PXDNL: variants seen among roughly 807,000 people sequenced by gnomAD.
PXDNL encodes the protein probable oxidoreductase PXDNL.
Under a neutral mutation model 150.8 loss-of-function variants are expected in PXDNL, and 145 were observed. The observed-to-expected ratio is 0.96, with a 90% CI of 0.84 to 1.10. The LOEUF is 1.10. Among genes scored for constraint, PXDNL ranks in the 50% least tolerant of loss-of-function variants. The pLI is 0.00. For missense variants in PXDNL, 2,087 were observed against 1,873.9 expected, an observed-to-expected ratio of 1.11 and a Z score of -2.10; for synonymous variants, 757 against 725.7, an observed-to-expected ratio of 1.04 and a Z score of -0.69.
chr8:51,792,275 G>A (rs1348381629), intron 1 of PXDNL, among the ~76,000 whole-genome samples: 1 of 152,038 alleles, frequency 6.6e-6, no homozygotes, highest in Non-Finnish European at 1.5e-5. Flanking sequence ...CATGACCCAC[G>A]GACAGCAAGG....
rs560397070 is a variant in PXDNL at position 51,635,220 on chromosome 8, A to G, written c.236+19469T>C. 9.2e-5 allele frequency among the ~76,000 whole-genome samples: 14 copies of G among 152,264 alleles called. No homozygotes were observed. In the East Asian group the frequency reaches 2.1e-3, roughly 23 times the overall value. ...CTATATACCAAAACTTACGGGATGC[A>G]GTGAAAGCAGTGCTGAGAGAGAAAT... On this transcript the variant is annotated intron_variant, in intron 2 of 22. Coordinates refer to ENST00000356297, the MANE Select transcript of PXDNL (RefSeq NM_144651.5).
chr8:51,532,851 G>C (rs1313033457), intron 4 of PXDNL, among the ~76,000 whole-genome samples: 3 of 151,610 alleles, frequency 2.0e-5, no homozygotes, highest in Non-Finnish European at 4.4e-5. Flanking sequence ...TGTAATCATT[G>C]AGGTACCATA....
intron 1 of PXDNL, among the ~76,000 whole-genome samples, chr8:51,775,252 AT>A (rs1391381342): frequency 6.6e-6 from 1 of 152,182 alleles, no homozygotes; most frequent in African/African-American, 2.4e-5. Context: ...AGCTAATGAA[AT>A]TTTGCATTCC....
intron 5 of PXDNL, among the ~76,000 whole-genome samples, chr8:51,494,534 C>T (rs1391913727): frequency 6.6e-6 from 1 of 152,040 alleles, no homozygotes; most frequent in African/African-American, 2.4e-5. Flanking sequence ...TTAGCAAACC[C>T]ATCTCACGTG....
At chr8:51,696,567 C>T (rs1816130427) in intron 1 of PXDNL, among the ~76,000 whole-genome samples, 1 of 144,294 alleles carries the variant, frequency 6.9e-6, no homozygotes, top group African/African-American at 2.6e-5. Flanking sequence ...AACCTGCTCC[C>T]CGCTAGACAC....
intron 1 of PXDNL, among the ~76,000 whole-genome samples, chr8:51,669,820 C>G (rs1815463636): frequency 2.0e-5 from 3 of 152,194 alleles, no homozygotes; most frequent in East Asian, 3.8e-4. Context: ...TAAAATTGTA[C>G]TTTTTCACAC....
At chr8:51,637,799 T>A (rs1291106922) in intron 2 of PXDNL, among the ~76,000 whole-genome samples, 5 of 152,206 alleles carry the variant, frequency 3.3e-5, no homozygotes, top group Non-Finnish European at 7.3e-5. Flanking sequence ...CCAGGAGAAC[T>A]TCCCCAACAT....
intron 1 of PXDNL, among the ~76,000 whole-genome samples, chr8:51,663,673 C>T (rs7835974): frequency 0.053 from 8,072 of 152,090 alleles, 542 homozygotes; most frequent in African/African-American, 0.16. Context: ...ATAGAAAGTC[C>T]CTTCCAGATT....
chr8:51,342,007 T>G (rs930083745), intron 20 of PXDNL, among the ~76,000 whole-genome samples: 1 of 152,148 alleles, frequency 6.6e-6, no homozygotes, highest in Non-Finnish European at 1.5e-5. Context: ...TGCACTCCCA[T>G]GTTACCTGCA....
rs560761462 is a variant in PXDNL, at chr8:51,377,423, G to C, written c.3558-2692C>G. ...GCCAGAGGCCACTCTGGCCGTGCTT[G>C]AGGGGCCTTTCAGCCCGCCGCCGCA... On this transcript the variant is annotated intron_variant, in intron 17 of 22. Transcript: ENST00000356297. Among the ~76,000 whole-genome samples the C allele has an allele frequency of 2.0e-4, 31 of 152,318 alleles. No homozygotes were observed. In the East Asian group the frequency reaches 5.8e-3, roughly 29 times the overall value.
chr8:51,457,519 G>A lies in PXDNL; in HGVS notation c.961C>T (p.Leu321Phe). Residue 321 changes from leucine (L) to phenylalanine (F), a missense_variant, in exon 9 of 23, where the codon CTC becomes TTC. By Grantham distance (22) the Leu-to-Phe change is conservative. Transcript: ENST00000356297. Reference sequence around the variant, plus strand: ...TTACCTGGAAGACTGGAGTATCTGAGCATGGCACTCTGTGTCTTGGCTTCC... The same window carrying A: ...TTACCTGGAAGACTGGAGTATCTGAACATGGCACTCTGTGTCTTGGCTTCC... ...AGEAKTQSAM[L>F]RYSSLPAKPS... The A allele has an allele frequency of 1.2e-6, 2 of 1,612,616 alleles. No homozygotes were observed. Among genetic ancestry groups the A allele is most frequent in the Non-Finnish European group, 1.7e-6 (2 of 1,179,370 alleles).
Position 51,453,749 on chromosome 8 carries a change from T to A in PXDNL, c.1019A>T (p.Glu340Val). ...AGTTGTGCTGGTGCCAATTAAAACC[T>A]CTGTGTCCTGAGGCTGGATTACAAA... The part of the protein sequence containing the change: ...PSFVIQPQDT[E>V]VLIGTSTTLE... The change falls in exon 10 of 23, where the codon GAG becomes GTG. Residue 340 changes from glutamate to valine, a missense_variant. Physicochemically the swap from Glu to Val is moderately radical, Grantham distance 121. Transcript: ENST00000356297. 6.2e-7 allele frequency: 1 copy of A among 1,614,002 alleles called. No individual in the cohort carries two copies.
At chr8:51,352,920 G>C (rs889230962) in intron 19 of PXDNL, among the ~76,000 whole-genome samples, 7 of 152,130 alleles carry the variant, frequency 4.6e-5, no homozygotes, top group African/African-American at 1.2e-4. Flanking sequence ...TGGATAGACA[G>C]AGTGGAATAA....
At chr8:51,411,706 T>C (rs1341633750) in intron 15 of PXDNL, among the ~76,000 whole-genome samples, 6 of 152,180 alleles carry the variant, frequency 3.9e-5, no homozygotes, top group African/African-American at 1.4e-4. Context: ...GGGGGTCGGT[T>C]GATGAATGGA....
At chr8:51,670,858 A>G (rs1344865285) in intron 1 of PXDNL, among the ~76,000 whole-genome samples, 2 of 152,194 alleles carry the variant, frequency 1.3e-5, no homozygotes, top group African/African-American at 4.8e-5. Flanking sequence ...AAATTTAACA[A>G]TTATGTATAA....
chr8:51,568,482 C>T (rs1472685217), intron 3 of PXDNL, among the ~76,000 whole-genome samples: 3 of 151,712 alleles, frequency 2.0e-5, no homozygotes, highest in Non-Finnish European at 1.5e-5. Flanking sequence ...AATTTGTATC[C>T]TTTTTCCTAT....
At chr8:51,589,665 G>A (rs1275576797) in intron 3 of PXDNL, among the ~76,000 whole-genome samples, 1 of 152,176 alleles carries the variant, frequency 6.6e-6, no homozygotes, top group Non-Finnish European at 1.5e-5. Flanking sequence ...ACTTAAGGGT[G>A]ATTAACTAAG....
chr8:51,793,960 A>C (rs182138010), intron 1 of PXDNL, among the ~76,000 whole-genome samples: 100 of 152,188 alleles, frequency 6.6e-4, no homozygotes, highest in African/African-American at 2.0e-3. Flanking sequence ...TAACCAGTTT[A>C]GAGAGGAGCA....
chr8:51,796,637 C>A (rs2129260276), intron 1 of PXDNL, among the ~76,000 whole-genome samples: 1 of 152,252 alleles, frequency 6.6e-6, no homozygotes, highest in East Asian at 1.9e-4. Context: ...GAAGTCAAAT[C>A]CCTGAATAGA....
Sources: allele counts gnomAD v4.1 joint callset (sites outside exome capture counted in the v4.1 genomes callset), GRCh38; gene constraint gnomAD v4.1.1; transcripts MANE v1.5; gene names NCBI Gene and HGNC (gene_info 2026-07-23, HGNC 2026-07-21).